KANK1: variants seen among roughly 807,000 people sequenced by gnomAD.
KANK1 encodes the protein KN motif and ankyrin repeat domain-containing protein 1.
Under a neutral mutation model 106.2 loss-of-function variants are expected in KANK1, and 109 were observed. The ratio of observed to expected loss-of-function variants is 1.03; its 90% CI spans 0.88 to 1.20. The LOEUF is 1.20. Ranked by LOEUF, KANK1 falls within the 50% of genes most tolerant of loss-of-function variation. The pLI, the probability that KANK1 is intolerant of heterozygous loss-of-function variation, is 0.00. For missense variants in KANK1, 2,399 were observed against 1,710.7 expected, an observed-to-expected ratio of 1.40 and a Z score of -7.10; for synonymous variants, 873 against 652.2, an observed-to-expected ratio of 1.34 and a Z score of -5.16.
chr9:720,103 T>C (rs1828905198), intron 3 of KANK1, among the ~76,000 whole-genome samples: 1 of 152,256 alleles, frequency 6.6e-6, no homozygotes, highest in African/African-American at 2.4e-5. Flanking sequence ...GAGATTTCTG[T>C]CACTTGTTGT....
intron 1 of KANK1, among the ~76,000 whole-genome samples, chr9:510,641 A>G (rs1209824710): frequency 6.6e-6 from 1 of 152,242 alleles, no homozygotes; most frequent in Non-Finnish European, 1.5e-5. Context: ...ACCACTGGAC[A>G]GTGGGGTTGG....
intron 2 of KANK1, among the ~76,000 whole-genome samples, chr9:694,221 C>T (rs1234227442): frequency 6.6e-6 from 1 of 152,162 alleles, no homozygotes; most frequent in Non-Finnish European, 1.5e-5. Flanking sequence ...CTTTCCACTA[C>T]CACCCCACCT....
At chr9:587,213 A>C (rs1447833877) in intron 1 of KANK1, among the ~76,000 whole-genome samples, 1 of 152,140 alleles carries the variant, frequency 6.6e-6, no homozygotes, top group East Asian at 1.9e-4. Context: ...TGCTTTTTAG[A>C]GGTACGAATC....
chr9:698,967 A>G (rs1257857103), intron 2 of KANK1, among the ~76,000 whole-genome samples: 1 of 152,160 alleles, frequency 6.6e-6, no homozygotes, highest in Non-Finnish European at 1.5e-5. Flanking sequence ...GTCCTGTGGA[A>G]TTAGGGCTCT....
chr9:680,925 C>G (rs1300492593), intron 2 of KANK1: 1 of 152,158 alleles, frequency 6.6e-6, no homozygotes, highest in East Asian at 1.9e-4. Flanking sequence ...TAATTCAAAA[C>G]ATTTTAGGCC....
chr9:731,157 G>C lies in KANK1; in HGVS notation c.2897-1G>C, dbSNP rs376408309. On this transcript the variant is annotated splice_acceptor_variant, in intron 4 of 11. Transcript: ENST00000382297. LOFTEE classifies it high-confidence loss of function. The stretch of plus-strand genomic sequence containing the variant: ...TTTTTATTGCCTTGACTTTTTCACA[G>C]CATGTACAAACAATGAAAGTACACT... The C allele has an allele frequency of 6.3e-7, 1 of 1,576,492 alleles. No homozygotes were observed. The highest frequency in any genetic ancestry group is 1.7e-5 in the Admixed American group (1 of 59,282).
chr9:642,369 C>T (rs1838664657), intron 1 of KANK1, among the ~76,000 whole-genome samples: 1 of 150,930 alleles, frequency 6.6e-6, no homozygotes, highest in Non-Finnish European at 1.5e-5. Context: ...TCCTCCCTAA[C>T]CTTAAAAAGT....
In KANK1 at chr9:473,592, A is replaced by G. The variant is rs1476703858; in HGVS notation, c.-362+319A>G. Among the ~76,000 whole-genome samples the G allele has an allele frequency of 2.0e-5, 3 of 152,228 alleles. No individual in the cohort carries two copies. The East Asian group carries it at 5.8e-4, about 29-fold the overall frequency. On this transcript the variant is annotated intron_variant, in intron 3 of 15. Transcript: ENST00000382303. The stretch of plus-strand genomic sequence containing the variant: ...CTGAGAAAATTTGCTATGGTTAGCT[A>G]TGGGTATTCACCACTTATTTTAGTG...
chr9:493,028 CAAAAA>C (rs112780058), intron 3 of KANK1, among the ~76,000 whole-genome samples: 5 of 98,536 alleles, frequency 5.1e-5, no homozygotes, highest in Non-Finnish European at 1.2e-4. Flanking sequence ...AACTCCGTCT[CAAAAA>C]AAAAAAAAAA....
intron 2 of KANK1, among the ~76,000 whole-genome samples, chr9:680,525 C>T (rs1346477119): frequency 1.3e-5 from 2 of 152,160 alleles, no homozygotes; most frequent in Non-Finnish European, 2.9e-5. Flanking sequence ...TTTGTACACA[C>T]TACTTAGCTT....
Position 515,885 on chromosome 9 carries a change from A to T in KANK1, c.-84+11131A>T, listed in dbSNP as rs555788185. Among the ~76,000 whole-genome samples the T allele has an allele frequency of 2.0e-5, 3 of 151,798 alleles. No individual in the cohort carries two copies. The South Asian group carries it at 6.2e-4, about 31-fold the overall frequency. On this transcript the variant is annotated intron_variant, in intron 1 of 11. Transcript: ENST00000382297. Reference sequence around the variant, plus strand: ...TCAAGGAAACCTCACGTGTGGTTTGATGTGTTTGAGTTCGTTTTGATTTAT... The same window carrying T: ...TCAAGGAAACCTCACGTGTGGTTTGTTGTGTTTGAGTTCGTTTTGATTTAT...
chr9:638,633 G>T (rs930655601), intron 1 of KANK1, among the ~76,000 whole-genome samples: 8 of 152,180 alleles, frequency 5.3e-5, no homozygotes, highest in African/African-American at 1.9e-4. Context: ...TTTACCTCCA[G>T]GTTCTGGGCA....
At chr9:714,007 G>A (rs186404908) in intron 3 of KANK1, among the ~76,000 whole-genome samples, 1 of 152,288 alleles carries the variant, frequency 6.6e-6, no homozygotes, top group Admixed American at 6.5e-5. Flanking sequence ...TAGAGGCTGA[G>A]GCGGGAGGAT....
At chr9:744,071 G>C (rs561922898) in intron 10 of KANK1, among the ~76,000 whole-genome samples, 2 of 152,156 alleles carry the variant, frequency 1.3e-5, no homozygotes, top group Non-Finnish European at 1.5e-5. Flanking sequence ...GCCTTAAACC[G>C]AGGTGGTTTA....
chr9:520,508 T>G (rs1297150935), intron 1 of KANK1, among the ~76,000 whole-genome samples: 1 of 151,706 alleles, frequency 6.6e-6, no homozygotes, highest in Non-Finnish European at 1.5e-5. Context: ...CTGGAGATGC[T>G]ATAAGTCACG....
chr9:622,258 C>T (rs759723767), intron 1 of KANK1, among the ~76,000 whole-genome samples: 2 of 152,188 alleles, frequency 1.3e-5, no homozygotes, highest in Non-Finnish European at 2.9e-5. Context: ...AGTTAATAAT[C>T]TGTGTATATT....
chr9:505,997 A>G (rs963888786), intron 1 of KANK1, among the ~76,000 whole-genome samples: 1 of 152,192 alleles, frequency 6.6e-6, no homozygotes, highest in African/African-American at 2.4e-5. Context: ...AATGTTGAGC[A>G]CGTTTTATTT....
At chr9:670,304 G>T (rs778665705) in intron 1 of KANK1, among the ~76,000 whole-genome samples, 2 of 152,050 alleles carry the variant, frequency 1.3e-5, no homozygotes, top group African/African-American at 4.8e-5. Context: ...TTGCATTAAA[G>T]GATTTATTAT....
At chr9:592,481 G>A (rs1234821318) in intron 1 of KANK1, among the ~76,000 whole-genome samples, 2 of 133,070 alleles carry the variant, frequency 1.5e-5, no homozygotes, top group South Asian at 2.2e-4. Context: ...TGAGCACCCC[G>A]ATCCCCTAGT....
Sources: allele counts gnomAD v4.1 joint callset (sites outside exome capture counted in the v4.1 genomes callset), GRCh38; gene constraint gnomAD v4.1.1; transcripts MANE v1.5; gene names NCBI Gene and HGNC (gene_info 2026-07-23, HGNC 2026-07-21).